SPATA6: variants seen among roughly 807,000 people sequenced by gnomAD.
SPATA6 encodes the protein spermatogenesis-associated protein 6.
In SPATA6, 56 loss-of-function variants were observed where a neutral mutation model predicts 65.3. That is an observed-to-expected ratio of 0.86 (90% CI 0.69 to 1.07). The LOEUF (loss-of-function observed/expected upper bound fraction) is 1.07. SPATA6 is among the 50% of genes least tolerant of loss of function. SPATA6 has a pLI of 0.00. For synonymous variants in SPATA6, 199 were observed against 213.2 expected, an observed-to-expected ratio of 0.93 and a Z score of 0.58; for missense variants, 590 against 594.8, an observed-to-expected ratio of 0.99 and a Z score of 0.08.
At chr1:48,445,704 C>T (rs1359185634) in intron 3 of SPATA6, among the ~76,000 whole-genome samples, 2 of 147,252 alleles carry the variant, frequency 1.4e-5, no homozygotes, top group East Asian at 2.0e-4. Flanking sequence ...ACATGTACCA[C>T]CTGAACGAAA....
Position 48,297,154 on chromosome 1 carries a change from G to GTGTGTGTA in SPATA6, c.*1558_*1559insTACACACA, listed in dbSNP as rs1557517092. On this transcript the variant is annotated 3_prime_UTR_variant, in exon 13 of 13. Coordinates refer to ENST00000371847, the MANE Select transcript of SPATA6 (RefSeq NM_019073.4). Reference sequence around the variant, plus strand: ...TGTGTGTGTGTGTGTGTGTGTGTGTGTGTGTGTGTATGTGTGTAGCAAACA... The same window carrying GTGTGTGTA: ...TGTGTGTGTGTGTGTGTGTGTGTGTGTGTGTGTATGTGTGTGTATGTGTGTAGCAAACA... 6.6e-6 allele frequency: 1 copy of GTGTGTGTA among 151,534 alleles called. No individual in the cohort carries two copies. Among genetic ancestry groups the GTGTGTGTA allele is most frequent in the African/African-American group, 2.5e-5 (1 of 40,690 alleles). 9.4% of individuals were successfully genotyped at this position (151,534 alleles called of 1,614,324 possible). A position where few individuals can be genotyped will look rare whatever the true frequency, so the allele number is the denominator to read the frequency against.
chr1:48,336,825 T>C (rs866012896), intron 11 of SPATA6, among the ~76,000 whole-genome samples: 1 of 151,888 alleles, frequency 6.6e-6, no homozygotes, highest in Non-Finnish European at 1.5e-5. Flanking sequence ...TAGGAAGATA[T>C]CATGAAAATC....
At chr1:48,359,096 C>A (rs1385477524) in intron 10 of SPATA6, among the ~76,000 whole-genome samples, 1 of 152,076 alleles carries the variant, frequency 6.6e-6, no homozygotes, top group Non-Finnish European at 1.5e-5. Context: ...CAGGATCAGA[C>A]TCTGGTTGCC....
intron 3 of SPATA6, among the ~76,000 whole-genome samples, chr1:48,448,490 A>AG (rs1446873322): frequency 1.5e-5 from 2 of 131,644 alleles, no homozygotes; most frequent in African/African-American, 4.9e-5. Context: ...GTGTCCCCAC[A>AG]GGAAAAAAAA....
chr1:48,341,142 C>T (rs1167889280), intron 11 of SPATA6, among the ~76,000 whole-genome samples: 1 of 152,244 alleles, frequency 6.6e-6, no homozygotes, highest in East Asian at 1.9e-4. Context: ...GATACTGGCA[C>T]ACTTTGAAAT....
At chr1:48,375,887 A>T (rs1199345561) in intron 9 of SPATA6, among the ~76,000 whole-genome samples, 2 of 152,180 alleles carry the variant, frequency 1.3e-5, no homozygotes, top group Non-Finnish European at 2.9e-5. Flanking sequence ...ACTGTTTGAA[A>T]GGTACCTTAA....
intron 7 of SPATA6, among the ~76,000 whole-genome samples, chr1:48,397,134 T>A (rs1335104524): frequency 6.6e-6 from 1 of 151,652 alleles, no homozygotes; most frequent in Non-Finnish European, 1.5e-5. Flanking sequence ...TAATTATATT[T>A]ATATGAAATG....
In SPATA6 at chr1:48,448,681, A is replaced by G. The variant is rs148974128; in HGVS notation, c.238+2871T>C. On this transcript the variant is annotated intron_variant, in intron 3 of 12. Transcript: ENST00000371847. ...AGTCAATGTGGAAGGGAAACATTCC[A>G]TACAACAGAATACTATTCAGCAATA... Among the ~76,000 whole-genome samples the G allele has an allele frequency of 6.2e-3, 950 of 152,344 alleles. 9 individuals are homozygous for G. The highest frequency in any genetic ancestry group is 0.02 in the African/African-American group (830 of 41,574).
At chr1:48,330,273 C>T (rs923406954) in intron 11 of SPATA6, among the ~76,000 whole-genome samples, 1 of 151,436 alleles carries the variant, frequency 6.6e-6, no homozygotes, top group South Asian at 2.1e-4. Context: ...TCACATGAAA[C>T]ATCCAGACCA....
chr1:48,452,688 T>C (rs559799149), intron 2 of SPATA6, among the ~76,000 whole-genome samples: 1 of 152,162 alleles, frequency 6.6e-6, no homozygotes, highest in Non-Finnish European at 1.5e-5. Context: ...ACGGCTGATA[T>C]ATTCTTATCT....
intron 9 of SPATA6, among the ~76,000 whole-genome samples, chr1:48,362,404 G>A (rs1051718375): frequency 2.0e-5 from 3 of 152,132 alleles, no homozygotes; most frequent in African/African-American, 7.2e-5. Context: ...TTAGATGGCA[G>A]ACCACTTCAT....
chr1:48,422,755 T>C (rs1420512534), intron 3 of SPATA6, among the ~76,000 whole-genome samples: 1 of 152,234 alleles, frequency 6.6e-6, no homozygotes, highest in Non-Finnish European at 1.5e-5. Context: ...TATTCAAAAT[T>C]AACCATGAAT....
chr1:48,339,381 A>G (rs1326832183), intron 11 of SPATA6, among the ~76,000 whole-genome samples: 2 of 152,160 alleles, frequency 1.3e-5, no homozygotes, highest in Non-Finnish European at 2.9e-5. Flanking sequence ...CTCTAAAATA[A>G]TAAGTGGTAC....
intron 5 of SPATA6, among the ~76,000 whole-genome samples, chr1:48,404,755 TGTATCTTACA>T (rs1651534953): frequency 6.6e-6 from 1 of 152,242 alleles, no homozygotes; most frequent in Non-Finnish European, 1.5e-5. Flanking sequence ...TTTCCTATAA[TGTATCTTACA>T]TTCATATCTA....
chr1:48,351,743 C>T (rs566323907), intron 11 of SPATA6, among the ~76,000 whole-genome samples: 82 of 152,026 alleles, frequency 5.4e-4, no homozygotes, highest in Non-Finnish European at 9.9e-4. Flanking sequence ...TTTTTCTTTG[C>T]TTGTAATGTT....
the SPATA6 span, among the ~76,000 whole-genome samples, chr1:48,264,657 TG>T: frequency 6.6e-6 from 1 of 152,210 alleles, no homozygotes. Flanking sequence ...CTGAGGATGA[TG>T]GTTTCCAGTT....
At chr1:48,312,713 T>C (rs201330719) in intron 11 of SPATA6, among the ~76,000 whole-genome samples, 1 of 152,100 alleles carries the variant, frequency 6.6e-6, no homozygotes, top group Admixed American at 6.5e-5. Context: ...ATTTGACGAG[T>C]TGAGAGAAGA....
chr1:48,363,301 G>A (rs956133894), intron 9 of SPATA6, among the ~76,000 whole-genome samples: 2 of 152,074 alleles, frequency 1.3e-5, no homozygotes, highest in African/African-American at 4.8e-5. Flanking sequence ...CCTTTCAAAA[G>A]CTAAATGGAA....
At chr1:48,354,942 TA>T (rs1646615489) in intron 11 of SPATA6, among the ~76,000 whole-genome samples, 1 of 152,090 alleles carries the variant, frequency 6.6e-6, no homozygotes, top group African/African-American at 2.4e-5. Flanking sequence ...AGTTTAATTT[TA>T]AAAACAGCAT....
Sources: gnomAD v4.1 joint callset for allele counts (sites outside exome capture counted in the v4.1 genomes callset) on GRCh38, gnomAD v4.1.1 for gene constraint, MANE v1.5 for transcripts, NCBI Gene and HGNC (gene_info 2026-07-23, HGNC 2026-07-21) for gene names.